RORA: variants seen among roughly 807,000 people sequenced by gnomAD.
The protein encoded by RORA is nuclear receptor ROR-alpha.
RORA carries 7 observed loss-of-function variants against 69.5 expected under a neutral mutation model. The ratio of observed to expected loss-of-function variants is 0.10; its 90% CI spans 0.06 to 0.19. RORA has a LOEUF of 0.19. RORA is among the 10% of genes least tolerant of loss of function. The pLI, the probability that RORA is intolerant of heterozygous loss-of-function variation, is 1.00. For synonymous variants in RORA, 261 were observed against 240.8 expected, an observed-to-expected ratio of 1.08 and a Z score of -0.78; for missense variants, 457 against 663.0, an observed-to-expected ratio of 0.69 and a Z score of 3.41.
intron 1 of RORA, among the ~76,000 whole-genome samples, chr15:61,218,672 ACT>A (rs1406222083): frequency 2.8e-5 from 3 of 107,900 alleles, no homozygotes; most frequent in African/African-American, 1.2e-4. Flanking sequence ...TACTAATATA[ACT>A]CACACACACA....
Position 61,002,975 on chromosome 15 carries a change from CAAA to C in RORA, c.166+226075_166+226077del, listed in dbSNP as rs59966691. 3.0e-3 allele frequency among the ~76,000 whole-genome samples: 351 copies of C among 116,966 alleles called. 3 individuals are homozygous for C. The highest frequency in any genetic ancestry group is 0.01 in the African/African-American group (325 of 31,446). The allele number at this position is 116,966 out of a possible 152,430, so 76.7% of individuals were successfully genotyped here. A position where few individuals can be genotyped will look rare whatever the true frequency, so the allele number is the denominator to read the frequency against. ...TGAAACCCCGTCTCTACTAAAAATA[CAAA>C]AAAAAAAAAAAAAAAATTAGCCAGG... On this transcript the variant is annotated intron_variant, in intron 1 of 10. Coordinates refer to ENST00000335670, the MANE Select transcript of RORA (RefSeq NM_134261.3).
chr15:60,561,606 C>T (rs1567088711), intron 2 of RORA, among the ~76,000 whole-genome samples: 3 of 152,156 alleles, frequency 2.0e-5, no homozygotes, highest in South Asian at 4.1e-4. Context: ...TTTTGGACCC[C>T]CTTCCATAAT....
intron 2 of RORA, among the ~76,000 whole-genome samples, chr15:60,593,650 T>C (rs987157945): frequency 6.6e-6 from 1 of 152,188 alleles, no homozygotes; most frequent in South Asian, 2.1e-4. Context: ...GTGTCTATAG[T>C]ACCGAGCATA....
chr15:60,780,425 G>T (rs550849781), intron 1 of RORA, among the ~76,000 whole-genome samples: 18 of 152,348 alleles, frequency 1.2e-4, no homozygotes, highest in Non-Finnish European at 2.2e-4. Context: ...TGACCTGTCA[G>T]AGAACATTCA....
intron 1 of RORA, among the ~76,000 whole-genome samples, chr15:61,019,133 C>A (rs979368853): frequency 2.0e-5 from 3 of 152,216 alleles, no homozygotes; most frequent in Non-Finnish European, 4.4e-5. Context: ...CTGCAAGGCA[C>A]AAGAATTGCA....
intron 2 of RORA, among the ~76,000 whole-genome samples, chr15:60,565,036 A>G (rs8037832): frequency 0.22 from 33,437 of 152,016 alleles, 5,619 homozygotes; most frequent in African/African-American, 0.48. Context: ...GCAAAAAGAC[A>G]GAGTGTTCCT....
At chr15:60,514,502 G>A in intron 4 of RORA, 114 bp downstream of exon 4, 5 of 1,019,688 alleles carry the variant, frequency 4.9e-6, no homozygotes, top group Non-Finnish European at 7.5e-6. Context: ...GGGGCGTAAG[G>A]TGGAATAATG....
intron 1 of RORA, among the ~76,000 whole-genome samples, chr15:60,807,101 C>T (rs1007556873): frequency 1.3e-5 from 2 of 152,028 alleles, no homozygotes; most frequent in African/African-American, 2.4e-5. Context: ...GCATCCAAAT[C>T]GGTAAAGAGG....
chr15:60,774,873 C>A (rs934594833), intron 1 of RORA, among the ~76,000 whole-genome samples: 6 of 152,192 alleles, frequency 3.9e-5, no homozygotes, highest in Admixed American at 1.3e-4. Flanking sequence ...ACAAAACAAC[C>A]ATTGGCTTTA....
chr15:61,173,734 C>A, intron 1 of RORA, among the ~76,000 whole-genome samples: 1 of 152,328 alleles, frequency 6.6e-6, no homozygotes, highest in East Asian at 1.9e-4. Flanking sequence ...CGGCTCACTG[C>A]GACCTCAACC....
At chr15:60,557,096 G>A (rs2140409218) in intron 2 of RORA, among the ~76,000 whole-genome samples, 1 of 152,294 alleles carries the variant, frequency 6.6e-6, no homozygotes, top group Middle Eastern at 3.4e-3. Context: ...GAAACTGGAT[G>A]TGTCTTTTTC....
At chr15:60,756,568 A>G (rs1395261885) in intron 1 of RORA, among the ~76,000 whole-genome samples, 1 of 152,226 alleles carries the variant, frequency 6.6e-6, no homozygotes, top group Non-Finnish European at 1.5e-5. Context: ...AATGTTAATA[A>G]TGGAAAGTTT....
At chr15:60,513,176 C>A (rs2065759393) in intron 4 of RORA, among the ~76,000 whole-genome samples, 1 of 152,242 alleles carries the variant, frequency 6.6e-6, no homozygotes, top group African/African-American at 2.4e-5. Flanking sequence ...TGGTCACTTT[C>A]CAGTTTCCAC....
At chr15:60,499,862 C>T (rs1282445030) in intron 10 of RORA, 30 bp downstream of exon 10, 3 of 1,285,486 alleles carry the variant, frequency 2.3e-6, no homozygotes, top group Non-Finnish European at 3.4e-6. Context: ...ATAGTTCAGG[C>T]CATGCCAACT....
chr15:60,619,259 C>T (rs1180156546), intron 2 of RORA, among the ~76,000 whole-genome samples: 13 of 152,210 alleles, frequency 8.5e-5, no homozygotes, highest in Admixed American at 8.5e-4. Context: ...ACACATTCTT[C>T]AATGGATCAT....
intron 1 of RORA, among the ~76,000 whole-genome samples, chr15:61,141,530 C>A (rs887572552): frequency 1.3e-5 from 2 of 152,098 alleles, no homozygotes; most frequent in African/African-American, 4.8e-5. Flanking sequence ...CAGAATAATG[C>A]ATTTTTAAAA....
intron 2 of RORA, among the ~76,000 whole-genome samples, chr15:60,642,314 G>T (rs1286184419): frequency 6.6e-6 from 1 of 152,112 alleles, no homozygotes; most frequent in Admixed American, 6.5e-5. Flanking sequence ...CAATTACTGG[G>T]ACCAAATCTG....
At chr15:60,859,474 CTTTTTTT>C (rs3053901) in intron 1 of RORA, among the ~76,000 whole-genome samples, 1 of 135,444 alleles carries the variant, frequency 7.4e-6, no homozygotes, top group Non-Finnish European at 1.6e-5. Flanking sequence ...TTTTCTTTGC[CTTTTTTT>C]TTTTTTTTTT....
chr15:60,774,854 G>C (rs566975661), intron 1 of RORA, among the ~76,000 whole-genome samples: 67 of 152,310 alleles, frequency 4.4e-4, no homozygotes, highest in African/African-American at 1.5e-3. Context: ...ATGTTCCTTA[G>C]ATTCTATTAC....
Sources: gnomAD v4.1 joint callset for allele counts (sites outside exome capture counted in the v4.1 genomes callset) on GRCh38, gnomAD v4.1.1 for gene constraint, MANE v1.5 for transcripts, NCBI Gene and HGNC (gene_info 2026-07-23, HGNC 2026-07-21) for gene names.